Variants in LIAS observed in about 807,000 individuals in gnomAD.
LIAS encodes the protein lipoyl synthase, mitochondrial.
A neutral mutation model predicts 49.4 loss-of-function variants in LIAS; 36 were observed. The observed-to-expected ratio is 0.73, with a 90% CI of 0.56 to 0.96. The LOEUF (loss-of-function observed/expected upper bound fraction) is 0.96. LIAS is among the 40% of genes least tolerant of loss of function. The probability of loss-of-function intolerance (pLI) is 0.00; values close to 1 mark genes in which losing one functional copy is unlikely to be tolerated. For synonymous variants in LIAS, 145 were observed against 155.8 expected (o/e 0.93, Z 0.52); for missense variants, 399 against 456.3 (o/e 0.87, Z 1.14).
chr4:39,474,477 G>A (rs1745117802), intron 10 of LIAS, among the ~76,000 whole-genome samples: 1 of 151,964 alleles, frequency 6.6e-6, no homozygotes, highest in Non-Finnish European at 1.5e-5. Context: ...CAGGTGTGGT[G>A]GTGTGTGCCT....
chr4:39,468,126 A>C (rs1744828491), intron 7 of LIAS: 1 of 152,166 alleles, frequency 6.6e-6, no homozygotes, highest in South Asian at 2.1e-4. Flanking sequence ...AAGTTTTCAA[A>C]GGAGGGAAAA....
chr4:39,468,552 T>A (rs1393270279), intron 7 of LIAS: 2 of 143,808 alleles, frequency 1.4e-5, no homozygotes, highest in East Asian at 2.0e-4. Flanking sequence ...TCATATATAT[T>A]TATATATATA....
chr4:39,476,126 T>C (rs1745185821), intron 10 of LIAS: 1 of 152,212 alleles, frequency 6.6e-6, no homozygotes, highest in African/African-American at 2.4e-5. Context: ...TTTCTTTTGC[T>C]AAAGAAAAAT....
intron 1 of LIAS, among the ~76,000 whole-genome samples, 154 bp from the exon 2 acceptor site, chr4:39,460,636 A>G (rs1173218800): frequency 6.6e-6 from 1 of 151,760 alleles, no homozygotes. Context: ...GTCATCTTTT[A>G]TATTCTAATG....
chr4:39,460,551 A>C (rs1744429416), intron 1 of LIAS, among the ~76,000 whole-genome samples: 1 of 151,772 alleles, frequency 6.6e-6, no homozygotes, highest in East Asian at 1.9e-4. Flanking sequence ...AAAAAAAAAA[A>C]ACAGATTTCC....
chr4:39,463,213 G>A (rs533719743), intron 3 of LIAS, among the ~76,000 whole-genome samples: 1 of 151,456 alleles, frequency 6.6e-6, no homozygotes, highest in Non-Finnish European at 1.5e-5. Flanking sequence ...AGCCTTCTGA[G>A]TAGCTGGGAG....
chr4:39,469,913 A>T, intron 7 of LIAS, 106 bp from the exon 8 acceptor site: 2 of 1,017,106 alleles, frequency 2.0e-6, no homozygotes, highest in South Asian at 1.8e-5. Context: ...TATGTGATTT[A>T]AGATAATGTG....
rs770898487 is a variant in LIAS, at chr4:39,460,881, A to G, written c.137A>G (p.Gln46Arg). 1 of 1,613,642 alleles carries G rather than the reference A, an allele frequency of 6.2e-7. No homozygotes were observed. The highest frequency in any genetic ancestry group is 8.5e-7 in the Non-Finnish European group (1 of 1,179,806). The change falls in exon 2 of 11, where the codon CAA becomes CGA. Residue 46 changes from glutamine (Q) to arginine (R), a missense_variant. Physicochemically the swap from Gln to Arg is conservative, Grantham distance 43. Transcript: ENST00000640888. ...KELLQNGPDL[Q>R]DFVSGDLADR... Reference sequence around the variant, plus strand: ...CTCCTACAGAATGGACCAGACCTTCAAGATTTTGTATCTGGTGATCTTGCA... The same window carrying G: ...CTCCTACAGAATGGACCAGACCTTCGAGATTTTGTATCTGGTGATCTTGCA...
rs371831096 is a variant in LIAS, at chr4:39,470,083, G to T, written c.802G>T (p.Val268Phe). 1 of 1,613,852 alleles carries T rather than the reference G, an allele frequency of 6.2e-7. No homozygotes were observed. Among genetic ancestry groups the T allele is most frequent in the Non-Finnish European group, 8.5e-7 (1 of 1,179,910 alleles). ...ACGTGTACTGAAACATGCCAAGAAGGTTCAGCCTGATGTTATTTCTAAAAC... is the reference window on the plus strand; with the variant it reads ...ACGTGTACTGAAACATGCCAAGAAGTTTCAGCCTGATGTTATTTCTAAAAC... ...SLRVLKHAKK[V>F]QPDVISKTSI... Residue 268 changes from valine (V) to phenylalanine (F), a missense_variant, in exon 8 of 11, where the codon GTT (valine) becomes TTT (phenylalanine). By Grantham distance (50) the Val-to-Phe change is conservative (BLOSUM62 -1). Transcript: ENST00000640888.
chr4:39,476,683 T>A, intron 10 of LIAS: 1 of 169,780 alleles, frequency 5.9e-6, no homozygotes, highest in Non-Finnish European at 1.2e-5. Context: ...AGATCCAGCC[T>A]AATAATGTAG....
intron 4 of LIAS, 94 bp from the exon 5 acceptor site, chr4:39,464,950 CTG>C (rs1272473392): frequency 4.3e-6 from 4 of 926,944 alleles, no homozygotes; most frequent in Non-Finnish European, 6.6e-6. Flanking sequence ...CAGAACCAAA[CTG>C]TATGCATTCT....
In LIAS at chr4:39,463,615, G is replaced by T. The variant is rs372094616; in HGVS notation, c.393+10G>T. The T allele has an allele frequency of 6.2e-7, 1 of 1,610,170 alleles. No individual in the cohort carries two copies. The highest frequency in any genetic ancestry group is 1.3e-5 in the African/African-American group (1 of 74,948). ...CACAGCCACGATCATGGTAGGGCCA[G>T]CCTCAACCTCTATGGCTTTAGTCTA... On this transcript the variant is annotated intron_variant, in intron 4 of 10. Transcript: ENST00000640888.
chr4:39,459,292 T>C, intron 1 of LIAS, 130 bp downstream of exon 1: 1 of 771,776 alleles, frequency 1.3e-6, no homozygotes, highest in Non-Finnish European at 2.1e-6. Flanking sequence ...GTTTTAAACG[T>C]TTTTCGTGTA....
chr4:39,462,848 G>C (rs770798962), intron 3 of LIAS, among the ~76,000 whole-genome samples: 1 of 152,160 alleles, frequency 6.6e-6, no homozygotes, highest in Non-Finnish European at 1.5e-5. Flanking sequence ...TTAGCTGGGC[G>C]TGGTGGCGTG....
chr4:39,472,808 G>A (rs1745044374), intron 9 of LIAS, among the ~76,000 whole-genome samples: 1 of 152,156 alleles, frequency 6.6e-6, no homozygotes, highest in Non-Finnish European at 1.5e-5. Context: ...GAAAAATATA[G>A]ATAAATAATA....
rs3836577 is a variant in LIAS at position 39,460,533 on chromosome 4, CA to C, written c.46-238del. 0.027 allele frequency among the ~76,000 whole-genome samples: 2,614 copies of C among 98,168 alleles called. 49 individuals carry two copies. The highest frequency in any genetic ancestry group is 0.095 in the African/African-American group (2,382 of 24,960). 64.4% of individuals were successfully genotyped at this position (98,168 alleles called of 152,430 possible). ...TGGGCAACAGAGCAAGACTCCGTCT[CA>C]AAAAAAAAAAAAAAAAAACAGATTT... is the stretch of plus-strand genomic sequence containing the variant. On this transcript the variant is annotated intron_variant, in intron 1 of 10. Transcript: ENST00000640888.
intron 3 of LIAS, 101 bp downstream of exon 3, chr4:39,462,390 A>G (rs1744552096): frequency 2.6e-6 from 1 of 385,624 alleles, no homozygotes; most frequent in Admixed American, 4.7e-5. Context: ...AATAGCAAAG[A>G]AAGTAAATAT....
chr4:39,460,957 A>T lies in LIAS; in HGVS notation c.213A>T (p.Gly71=), dbSNP rs753979471. 6.3e-7 allele frequency: 1 copy of T among 1,585,306 alleles called. No homozygotes were observed. The highest frequency in any genetic ancestry group is 1.9e-5 in the Admixed American group (1 of 53,280). Residue 71 remains glycine (G), a synonymous_variant, in exon 2 of 11, where the codon GGA becomes GGT. Transcript: ENST00000640888. ...EYKGNLKRQK[G]ERLRLPPWLK... ...AAGGAAACCTAAAACGCCAGAAAGG[A>T]GAAAGGTAATTGAAAATTTGAGATA...
rs149565162 is a variant in LIAS, at chr4:39,463,393, T to G, written c.313-132T>G. On this transcript the variant is annotated intron_variant, in intron 3 of 10. Transcript: ENST00000640888. ...GCCAGCGCACTTGGTCTTAACAGCATTTTTGAATAGTGAATGTCTTCAAAA... is the reference window on the plus strand; with the variant it reads ...GCCAGCGCACTTGGTCTTAACAGCAGTTTTGAATAGTGAATGTCTTCAAAA... The G allele has an allele frequency of 3.8e-4, 471 of 1,246,524 alleles. 5 individuals carry two copies. In the East Asian group the frequency reaches 0.011, roughly 30 times the overall value. 77.2% of individuals were successfully genotyped at this position (1,246,524 alleles called of 1,614,324 possible). A position where few individuals can be genotyped will look rare whatever the true frequency, so the allele number is the denominator to read the frequency against.
Sources: allele counts gnomAD v4.1 joint callset (sites outside exome capture counted in the v4.1 genomes callset), GRCh38; gene constraint gnomAD v4.1.1; transcripts MANE v1.5; gene names NCBI Gene and HGNC (gene_info 2026-07-23, HGNC 2026-07-21).